The following HEATR5A variants were observed in gnomAD, a reference collection of about 807,000 sequenced individuals.
The protein encoded by HEATR5A is HEAT repeat-containing protein 5A.
A neutral mutation model predicts 218.8 loss-of-function variants in HEATR5A; 178 were observed. The observed-to-expected ratio is 0.81, with a 90% CI of 0.72 to 0.92. HEATR5A has a LOEUF of 0.92. Ranked by LOEUF, HEATR5A falls within the 40% of genes least tolerant of loss-of-function variation. The pLI is 0.00. For missense variants in HEATR5A, 2,420 were observed against 2,418.9 expected (o/e 1.00, Z -0.01); for synonymous variants, 864 against 871.6 (o/e 0.99, Z 0.15).
chr14:31,350,661 T>C lies in HEATR5A; in HGVS notation c.2468A>G (p.Gln823Arg). The C allele has an allele frequency of 6.2e-7, 1 of 1,603,708 alleles. No individual in the cohort carries two copies. The highest frequency in any genetic ancestry group is 8.5e-7 in the Non-Finnish European group (1 of 1,173,742). The change falls in exon 17 of 36, where the codon CAG (glutamine) becomes CGG (arginine). Residue 823 changes from glutamine (Q) to arginine (R), a missense_variant. Physicochemically the swap from Gln to Arg is conservative, Grantham distance 43 (BLOSUM62 1). Coordinates refer to ENST00000543095, the MANE Select transcript of HEATR5A (RefSeq NM_015473.4). ...AACAACATGTAACTGAACCACTTGC[T>C]GACGAGCTCCTTTTGTGTGCTTTAT... ...DSIKHTKGAR[Q>R]QVVQLHVVSS...
chr14:31,295,245 G>A (rs1306480866), intron 34 of HEATR5A, among the ~76,000 whole-genome samples: 2 of 152,060 alleles, frequency 1.3e-5, no homozygotes, highest in African/African-American at 4.8e-5. Context: ...CTGAAGGTAT[G>A]TGCTGGAGTC....
At chr14:31,343,206 G>T (rs1900897737) in intron 21 of HEATR5A, among the ~76,000 whole-genome samples, 1 of 151,798 alleles carries the variant, frequency 6.6e-6, no homozygotes, top group African/African-American at 2.4e-5. Context: ...GATTCTCCTG[G>T]CTCAGCCTCC....
chr14:31,360,294 T>C (rs1901574384), intron 14 of HEATR5A, among the ~76,000 whole-genome samples: 1 of 152,208 alleles, frequency 6.6e-6, no homozygotes, highest in Admixed American at 6.5e-5. Flanking sequence ...GTCTGGGTTT[T>C]TATGATTATA....
chr14:31,400,830 T>C (rs1444484486), intron 2 of HEATR5A, among the ~76,000 whole-genome samples: 1 of 121,928 alleles, frequency 8.2e-6, no homozygotes, highest in East Asian at 2.5e-4. Context: ...CAAATTTGTA[T>C]TATTATTATT....
Position 31,345,250 on chromosome 14 carries a change from C to CA in HEATR5A, c.2894dup (p.Leu965PhefsTer4). 6.2e-7 allele frequency: 1 copy of CA among 1,612,362 alleles called. No individual in the cohort carries two copies. Among genetic ancestry groups the CA allele is most frequent in the Non-Finnish European group, 8.5e-7 (1 of 1,179,002 alleles). Reference sequence around the variant, plus strand: ...AGAGTGGGCCAGCAGAATCAATGATCAATGATAGAGAATGTAATGCCCAGG... The same window carrying CA: ...AGAGTGGGCCAGCAGAATCAATGATCAAATGATAGAGAATGTAATGCCCAGG... On this transcript the variant is annotated frameshift_variant, in exon 20 of 36. Transcript: ENST00000543095. LOFTEE classifies it high-confidence loss of function.
intron 26 of HEATR5A, among the ~76,000 whole-genome samples, chr14:31,317,165 T>A (rs1899938161): frequency 6.6e-6 from 1 of 152,144 alleles, no homozygotes; most frequent in Non-Finnish European, 1.5e-5. Flanking sequence ...AGCACTCAAC[T>A]ATTTCCCAAG....
At chr14:31,348,985 A>T (rs1901115351) in intron 18 of HEATR5A, among the ~76,000 whole-genome samples, 1 of 152,198 alleles carries the variant, frequency 6.6e-6, no homozygotes, top group Non-Finnish European at 1.5e-5. Flanking sequence ...TTTTATATTT[A>T]CTATCTCATT....
intron 33 of HEATR5A, 167 bp downstream of exon 33, chr14:31,302,128 G>A (rs1473072162): frequency 1.5e-5 from 9 of 588,510 alleles, no homozygotes; most frequent in African/African-American, 5.6e-5. Flanking sequence ...CACTGCACCC[G>A]GCCAATTTTC....
intron 21 of HEATR5A, among the ~76,000 whole-genome samples, chr14:31,338,698 T>G (rs1595113492): frequency 1.3e-5 from 2 of 152,160 alleles, no homozygotes; most frequent in African/African-American, 4.8e-5. Flanking sequence ...ATGGCATAAT[T>G]TTATGGCAAT....
At position 31,308,004 on chromosome 14, in the gene HEATR5A, A is replaced by G; in HGVS notation, c.4707T>C (p.Phe1569=). The G allele has an allele frequency of 6.2e-7, 1 of 1,610,992 alleles. No homozygotes were observed. Among genetic ancestry groups the G allele is most frequent in the Non-Finnish European group, 8.5e-7 (1 of 1,179,022 alleles). Residue 1569 remains phenylalanine, a synonymous_variant, in exon 30 of 36, where the codon TTT becomes TTC. Transcript: ENST00000543095. Reference sequence around the variant, plus strand: ...TTGCATCTGAACGTAAGGAACATAGAAATTCCACGCTGATTCCTGTGGAAA... The same window carrying G: ...TTGCATCTGAACGTAAGGAACATAGGAATTCCACGCTGATTCCTGTGGAAA... ...FHLILGISVE[F]LCSLRSDATM...
In HEATR5A at chr14:31,295,978, A is replaced by G; in HGVS notation, c.5550T>C (p.Thr1850=). 1 of 1,613,372 alleles carries G rather than the reference A, an allele frequency of 6.2e-7. No individual in the cohort carries two copies. Among genetic ancestry groups the G allele is most frequent in the Non-Finnish European group, 8.5e-7 (1 of 1,179,380 alleles). The change falls in exon 34 of 36, where the codon ACT becomes ACC. Residue 1850 remains threonine, a synonymous_variant. Transcript: ENST00000543095. ...VFILSTSPEV[T]TIPCLQKRCI... Reference sequence around the variant, plus strand: ...AGCGCTTCTGAAGGCATGGGATGGTAGTTACTTCTGGACTGGTAGACAAAA... The same window carrying G: ...AGCGCTTCTGAAGGCATGGGATGGTGGTTACTTCTGGACTGGTAGACAAAA...
At position 31,350,593 on chromosome 14, in the gene HEATR5A, T is replaced by G; in HGVS notation, c.2517+19A>C. The G allele has an allele frequency of 7.3e-7, 1 of 1,379,136 alleles. No homozygotes were observed. The highest frequency in any genetic ancestry group is 1.0e-6 in the Non-Finnish European group (1 of 1,001,418). 85.4% of individuals were successfully genotyped at this position (1,379,136 alleles called of 1,614,324 possible). ...TTAAAAAATGAAGCCAACATTTAAA[T>G]GAAAAAAATAATAATTACCTTCAAG... On this transcript the variant is annotated intron_variant, in intron 17 of 35. Coordinates refer to ENST00000543095, the MANE Select transcript of HEATR5A (RefSeq NM_015473.4).
chr14:31,397,046 A>T (rs2139298893), intron 4 of HEATR5A, among the ~76,000 whole-genome samples: 1 of 152,308 alleles, frequency 6.6e-6, no homozygotes, highest in African/African-American at 2.4e-5. Context: ...TGTTCTCCTT[A>T]ATCATTTTCT....
chr14:31,314,430 T>A (rs1418189386), intron 27 of HEATR5A, among the ~76,000 whole-genome samples: 2 of 151,918 alleles, frequency 1.3e-5, no homozygotes, highest in Admixed American at 1.3e-4. Flanking sequence ...ATTTTTTTTT[T>A]ATTTTTAGTA....
chr14:31,314,799 C>A (rs1377701388), intron 27 of HEATR5A, among the ~76,000 whole-genome samples: 1 of 152,138 alleles, frequency 6.6e-6, no homozygotes, highest in African/African-American at 2.4e-5. Context: ...GTTTAAAATA[C>A]CTCTACTGGA....
chr14:31,363,195 TG>T (rs1408297295), intron 14 of HEATR5A, among the ~76,000 whole-genome samples: 11 of 149,596 alleles, frequency 7.4e-5, no homozygotes, highest in Admixed American at 1.3e-4. Flanking sequence ...GCCGAGATCA[TG>T]CCACTGCACT....
intron 1 of HEATR5A, among the ~76,000 whole-genome samples, chr14:31,412,666 G>A (rs77768006): frequency 0.1 from 15,790 of 151,738 alleles, 1,189 homozygotes; most frequent in East Asian, 0.35. Context: ...TGAAGCAGGC[G>A]GATCACCTGA....
At chr14:31,329,946 C>T (rs765460850) in intron 22 of HEATR5A, among the ~76,000 whole-genome samples, 3 of 152,190 alleles carry the variant, frequency 2.0e-5, no homozygotes, top group Admixed American at 6.5e-5. Context: ...CTCCTGACCT[C>T]GTGATCCACC....
At chr14:31,321,088 C>T (rs888100012) in intron 25 of HEATR5A, among the ~76,000 whole-genome samples, 2 of 151,892 alleles carry the variant, frequency 1.3e-5, no homozygotes, top group African/African-American at 4.8e-5. Flanking sequence ...CCCTTGCTCC[C>T]TTCCTTCCTC....
Sources: gnomAD v4.1 joint callset for allele counts (sites outside exome capture counted in the v4.1 genomes callset) on GRCh38, gnomAD v4.1.1 for gene constraint, MANE v1.5 for transcripts, NCBI Gene and HGNC (gene_info 2026-07-23, HGNC 2026-07-21) for gene names.